The following SNTB1 variants were observed in gnomAD, a reference collection of about 807,000 sequenced individuals.
The protein encoded by SNTB1 is beta-1-syntrophin.
A neutral mutation model predicts 48.9 loss-of-function variants in SNTB1; 36 were observed. That is an observed-to-expected ratio of 0.74 (90% CI 0.56 to 0.97). SNTB1 has a LOEUF of 0.97. Among genes scored for constraint, SNTB1 ranks in the 50% least tolerant of loss-of-function variants. The pLI, the probability that SNTB1 is intolerant of heterozygous loss-of-function variation, is 0.00. For missense variants in SNTB1, 786 were observed against 703.4 expected, an observed-to-expected ratio of 1.12 and a Z score of -1.33; for synonymous variants, 299 against 294.6, an observed-to-expected ratio of 1.01 and a Z score of -0.15.
chr8:120,554,608 A>G (rs771470461), intron 4 of SNTB1, among the ~76,000 whole-genome samples: 4 of 152,226 alleles, frequency 2.6e-5, no homozygotes, highest in Non-Finnish European at 2.9e-5. Flanking sequence ...GTAAATAATT[A>G]TTTTACTTGT....
At chr8:120,586,889 T>G (rs1816152609) in intron 3 of SNTB1, among the ~76,000 whole-genome samples, 1 of 152,176 alleles carries the variant, frequency 6.6e-6, no homozygotes, top group Non-Finnish European at 1.5e-5. Flanking sequence ...AACTGGAGGT[T>G]CATTATTGTT....
chr8:120,611,081 C>T (rs1308369783), intron 3 of SNTB1, among the ~76,000 whole-genome samples: 1 of 152,210 alleles, frequency 6.6e-6, no homozygotes, highest in Admixed American at 6.5e-5. Flanking sequence ...TGACCTCTTG[C>T]TGGCCAAATA....
At chr8:120,797,477 T>C (rs1405817490) in intron 1 of SNTB1, among the ~76,000 whole-genome samples, 2 of 151,816 alleles carry the variant, frequency 1.3e-5, no homozygotes, top group Non-Finnish European at 1.5e-5. Flanking sequence ...TTTTGAGTAG[T>C]TGTTGACCCA....
intron 1 of SNTB1, among the ~76,000 whole-genome samples, chr8:120,810,602 A>G (rs1186871476): frequency 6.6e-6 from 1 of 152,194 alleles, no homozygotes; most frequent in Non-Finnish European, 1.5e-5. Flanking sequence ...GACCGGCCAG[A>G]TGCCCGGCAG....
chr8:120,762,493 G>A (rs1180035271), intron 1 of SNTB1, among the ~76,000 whole-genome samples: 1 of 152,164 alleles, frequency 6.6e-6, no homozygotes, highest in East Asian at 1.9e-4. Flanking sequence ...CTTGTTACCT[G>A]ATGAAAGAAG....
intron 4 of SNTB1, among the ~76,000 whole-genome samples, chr8:120,560,414 C>G (rs1489554705): frequency 6.6e-6 from 1 of 152,114 alleles, no homozygotes; most frequent in East Asian, 1.9e-4. Flanking sequence ...ACCCTGGAGG[C>G]AGAGGTTGCA....
At chr8:120,784,273 T>C (rs1303337269) in intron 1 of SNTB1, among the ~76,000 whole-genome samples, 1 of 151,840 alleles carries the variant, frequency 6.6e-6, no homozygotes. Flanking sequence ...GGATTATAGG[T>C]GTGAGGTACT....
chr8:120,613,669 T>C (rs1816662952), intron 3 of SNTB1, among the ~76,000 whole-genome samples: 1 of 152,212 alleles, frequency 6.6e-6, no homozygotes, highest in Non-Finnish European at 1.5e-5. Flanking sequence ...AAAAAGTACA[T>C]GGCATTCTTT....
intron 2 of SNTB1, among the ~76,000 whole-genome samples, chr8:120,685,728 A>T (rs1818020181): frequency 6.6e-6 from 1 of 152,124 alleles, no homozygotes; most frequent in Non-Finnish European, 1.5e-5. Flanking sequence ...ACAGGCTGGG[A>T]ATTTTCCAGA....
chr8:120,598,320 A>G (rs1273495931), intron 3 of SNTB1, among the ~76,000 whole-genome samples: 2 of 152,154 alleles, frequency 1.3e-5, no homozygotes, highest in African/African-American at 4.8e-5. Flanking sequence ...ATCTCTGCAC[A>G]TTTGCATATA....
At chr8:120,614,785 G>C (rs1238079876) in intron 3 of SNTB1, among the ~76,000 whole-genome samples, 2 of 151,948 alleles carry the variant, frequency 1.3e-5, no homozygotes, top group African/African-American at 4.8e-5. Context: ...AGATAAGACA[G>C]TATGTTTTTT....
At chr8:120,676,189 A>G (rs1292699300) in intron 2 of SNTB1, among the ~76,000 whole-genome samples, 2 of 152,244 alleles carry the variant, frequency 1.3e-5, no homozygotes, top group African/African-American at 4.8e-5. Context: ...CTCATGTTGT[A>G]CTTTGTCATA....
intron 1 of SNTB1, among the ~76,000 whole-genome samples, chr8:120,736,559 G>A (rs12544282): frequency 0.069 from 10,543 of 152,232 alleles, 528 homozygotes; most frequent in East Asian, 0.18. Flanking sequence ...TAACATTTCC[G>A]TGATGTATGC....
chr8:120,741,747 T>C (rs4871111), intron 1 of SNTB1, among the ~76,000 whole-genome samples: 10,716 of 152,310 alleles, frequency 0.07, 541 homozygotes, highest in East Asian at 0.18. Flanking sequence ...CAGCAAACTA[T>C]AGCCAATCTG....
intron 2 of SNTB1, among the ~76,000 whole-genome samples, chr8:120,651,463 G>A (rs189750595): frequency 2.3e-3 from 353 of 152,310 alleles, no homozygotes; most frequent in East Asian, 0.01. Context: ...AGTTGTGGCC[G>A]TAACTAGAGC....
chr8:120,673,910 G>A (rs2129793381), intron 2 of SNTB1, among the ~76,000 whole-genome samples: 1 of 152,284 alleles, frequency 6.6e-6, no homozygotes, highest in Non-Finnish European at 1.5e-5. Flanking sequence ...TAATCTTAAA[G>A]CTATGCAACT....
intron 1 of SNTB1, among the ~76,000 whole-genome samples, chr8:120,739,640 T>A (rs1469049480): frequency 6.6e-6 from 1 of 152,040 alleles, no homozygotes; most frequent in Non-Finnish European, 1.5e-5. Context: ...GGAGAAAGGG[T>A]CAGAAAAGTT....
chr8:120,689,258 C>T (rs1818085587), intron 2 of SNTB1, among the ~76,000 whole-genome samples: 1 of 152,170 alleles, frequency 6.6e-6, no homozygotes, highest in Admixed American at 6.5e-5. Flanking sequence ...CCCCAAGATG[C>T]TGTGGCATTT....
chr8:120,685,129 C>A (rs893008598), intron 2 of SNTB1, among the ~76,000 whole-genome samples: 1 of 152,214 alleles, frequency 6.6e-6, no homozygotes, highest in East Asian at 1.9e-4. Context: ...GCCTGCAACT[C>A]TCCCAGGCAG....
Sources: allele counts gnomAD v4.1 joint callset (sites outside exome capture counted in the v4.1 genomes callset), GRCh38; gene constraint gnomAD v4.1.1; transcripts MANE v1.5; gene names NCBI Gene and HGNC (gene_info 2026-07-23, HGNC 2026-07-21).